The following CTNNA3 variants were observed in gnomAD, a reference collection of about 807,000 sequenced individuals.
The protein encoded by CTNNA3 is catenin alpha-3.
In CTNNA3, 76 loss-of-function variants were observed where a neutral mutation model predicts 95.7. The ratio of observed to expected loss-of-function variants is 0.79; its 90% confidence interval spans 0.66 to 0.96. The LOEUF is 0.96. Among genes scored for constraint, CTNNA3 ranks in the 40% least tolerant of loss-of-function variants. CTNNA3 has a pLI of 0.00. For synonymous variants in CTNNA3, 431 were observed against 374.4 expected, an observed-to-expected ratio of 1.15 and a Z score of -1.74; for missense variants, 1,191 against 1,089.8, an observed-to-expected ratio of 1.09 and a Z score of -1.31.
At chr10:66,701,393 A>C (rs1847937115) in intron 9 of CTNNA3, among the ~76,000 whole-genome samples, 1 of 152,162 alleles carries the variant, frequency 6.6e-6, no homozygotes, top group Non-Finnish European at 1.5e-5. Context: ...AGCCAAATGA[A>C]TGTTGGGATT....
chr10:66,567,728 T>C (rs1842756847), intron 10 of CTNNA3, among the ~76,000 whole-genome samples: 1 of 152,186 alleles, frequency 6.6e-6, no homozygotes, highest in African/African-American at 2.4e-5. Context: ...TTTACTAAGA[T>C]ATTGTTTTCA....
At chr10:66,714,979 T>G (rs112248797) in intron 9 of CTNNA3, among the ~76,000 whole-genome samples, 1 of 152,098 alleles carries the variant, frequency 6.6e-6, no homozygotes, top group Non-Finnish European at 1.5e-5. Context: ...GTTTTAGTCA[T>G]ATAAATGTTT....
Position 67,336,416 on chromosome 10 carries a change from G to A in CTNNA3, c.580-116546C>T, listed in dbSNP as rs544158255. ...TCAGAAGAAAAGTTGGAAGCTCGCAGAGGTTGGTTTATAAGATTTAGGGAA... is the reference window on the plus strand; with the variant it reads ...TCAGAAGAAAAGTTGGAAGCTCGCAAAGGTTGGTTTATAAGATTTAGGGAA... On this transcript the variant is annotated intron_variant, in intron 5 of 17. Transcript: ENST00000433211. 2.0e-5 allele frequency among the ~76,000 whole-genome samples: 3 copies of A among 152,308 alleles called. No individual in the cohort carries two copies. The South Asian group carries it at 6.2e-4, about 32-fold the overall frequency.
chr10:67,098,354 C>T (rs961397797), intron 7 of CTNNA3: 3 of 152,240 alleles, frequency 2.0e-5, no homozygotes, highest in Non-Finnish European at 4.4e-5. Context: ...ATGCTTACTG[C>T]GTAGAATTTT....
intron 9 of CTNNA3, among the ~76,000 whole-genome samples, chr10:66,646,649 C>T (rs1845717723): frequency 1.3e-5 from 2 of 152,082 alleles, no homozygotes; most frequent in Admixed American, 6.5e-5. Flanking sequence ...TGAGGCTTCC[C>T]TGATAGAGAC....
chr10:66,845,721 A>T (rs1405447185), intron 7 of CTNNA3, among the ~76,000 whole-genome samples: 32 of 130,920 alleles, frequency 2.4e-4, no homozygotes, highest in East Asian at 4.2e-4. Context: ...AAAAAAAAAA[A>T]AAAAAAAACT....
At chr10:66,312,733 G>A (rs2092040673) in intron 12 of CTNNA3, among the ~76,000 whole-genome samples, 1 of 152,058 alleles carries the variant, frequency 6.6e-6, no homozygotes. Flanking sequence ...TTTTAGTAAA[G>A]ACAGGGTTTC....
At chr10:66,929,934 G>T (rs1351081693) in intron 7 of CTNNA3, among the ~76,000 whole-genome samples, 1 of 152,168 alleles carries the variant, frequency 6.6e-6, no homozygotes, top group Non-Finnish European at 1.5e-5. Flanking sequence ...ATCAGGAACT[G>T]CAACATTGAG....
In CTNNA3 at chr10:67,756,241, T is replaced by G. The variant is rs185837074; in HGVS notation, c.-2+7193A>C. Among the ~76,000 whole-genome samples the G allele has an allele frequency of 6.6e-5, 10 of 152,276 alleles. No homozygotes were observed. The East Asian group carries it at 1.9e-3, about 29-fold the overall frequency. On this transcript the variant is annotated intron_variant, in intron 1 of 17. Coordinates refer to the CTNNA3 transcript ENST00000684154. The stretch of plus-strand genomic sequence containing the variant: ...CTATTCAATAGTTTAATAGAAGAAC[T>G]AAGACCTAGTTTTTAGATAAATCAG...
At chr10:66,585,497 C>T (rs1046338697) in intron 10 of CTNNA3, among the ~76,000 whole-genome samples, 3 of 151,732 alleles carry the variant, frequency 2.0e-5, no homozygotes, top group African/African-American at 7.3e-5. Flanking sequence ...AAGCTTTTCA[C>T]TGCATTTTGT....
At chr10:66,220,622 A>T (rs1197134076) in intron 13 of CTNNA3, among the ~76,000 whole-genome samples, 3 of 152,224 alleles carry the variant, frequency 2.0e-5, no homozygotes, top group African/African-American at 7.2e-5. Flanking sequence ...ATCAGGCCGC[A>T]CAAACGAATT....
chr10:66,867,175 AACAGAATAAT>A (rs1844213324), intron 7 of CTNNA3, among the ~76,000 whole-genome samples: 2 of 151,928 alleles, frequency 1.3e-5, no homozygotes, highest in Admixed American at 1.3e-4. Context: ...GCAGTGTGAA[AACAGAATAAT>A]ACAATAACTA....
At chr10:67,035,957 G>T (rs1436409736) in intron 7 of CTNNA3, among the ~76,000 whole-genome samples, 1 of 152,022 alleles carries the variant, frequency 6.6e-6, no homozygotes, top group Non-Finnish European at 1.5e-5. Context: ...AACTTTTCTT[G>T]CTTTTCTTTT....
chr10:67,503,011 G>C (rs972381894), intron 5 of CTNNA3, among the ~76,000 whole-genome samples: 2 of 152,110 alleles, frequency 1.3e-5, no homozygotes, highest in East Asian at 3.9e-4. Flanking sequence ...TTGTCACTGG[G>C]GTATGAAACA....
chr10:66,275,063 G>C (rs2091362782), intron 13 of CTNNA3, among the ~76,000 whole-genome samples: 2 of 151,896 alleles, frequency 1.3e-5, no homozygotes, highest in South Asian at 4.2e-4. Context: ...TACATATTTT[G>C]AGTTTCATTG....
chr10:66,294,057 T>TA (rs1366210049), intron 12 of CTNNA3, among the ~76,000 whole-genome samples: 1 of 152,216 alleles, frequency 6.6e-6, no homozygotes, highest in African/African-American at 2.4e-5. Flanking sequence ...TGGCCTCAAG[T>TA]AACCATCATG....
chr10:67,410,823 G>T (rs1463005301), intron 5 of CTNNA3, among the ~76,000 whole-genome samples: 1 of 152,084 alleles, frequency 6.6e-6, no homozygotes, highest in Middle Eastern at 3.2e-3. Flanking sequence ...CAGATGAGTA[G>T]ATAAAGAAAA....
At chr10:66,418,949 T>C (rs1181821527) in intron 11 of CTNNA3, among the ~76,000 whole-genome samples, 1 of 152,048 alleles carries the variant, frequency 6.6e-6, no homozygotes, top group African/African-American at 2.4e-5. Context: ...GGAGGCCTTT[T>C]CTCTAAGAAC....
intron 6 of CTNNA3, among the ~76,000 whole-genome samples, chr10:67,198,928 G>C (rs1863506938): frequency 6.6e-6 from 1 of 151,966 alleles, no homozygotes; most frequent in African/African-American, 2.4e-5. Flanking sequence ...TTATCAATAT[G>C]ATTTACATTT....
Sources: gnomAD v4.1 joint callset for allele counts (sites outside exome capture counted in the v4.1 genomes callset) on GRCh38, gnomAD v4.1.1 for gene constraint, MANE v1.5 for transcripts, NCBI Gene and HGNC (gene_info 2026-07-23, HGNC 2026-07-21) for gene names.